Variants in GTF3C4 observed in about 807,000 individuals in gnomAD.
GTF3C4 encodes general transcription factor IIIC subunit 4.
GTF3C4 carries 28 observed loss-of-function variants against 67.5 expected under a neutral mutation model. The observed-to-expected ratio is 0.41, with a 90% CI of 0.31 to 0.57. The LOEUF (loss-of-function observed/expected upper bound fraction) is 0.57, where lower values mean the gene tolerates loss of function less well. GTF3C4 is among the 20% of genes least tolerant of loss of function. GTF3C4 has a pLI of 0.21. For synonymous variants in GTF3C4, 409 were observed against 393.0 expected, an observed-to-expected ratio of 1.04 and a Z score of -0.48; for missense variants, 831 against 1,033.2, an observed-to-expected ratio of 0.80 and a Z score of 2.68.
At chr9:132,677,567 G>A (rs116812856) in intron 1 of GTF3C4, among the ~76,000 whole-genome samples, 244 of 152,292 alleles carry the variant, frequency 1.6e-3, no homozygotes, top group African/African-American at 5.5e-3. Context: ...GGAATGTTCA[G>A]GAATGGCAAC....
upstream of GTF3C4, chr9:132,670,082 A>T: frequency 6.4e-7 from 1 of 1,560,934 alleles, no homozygotes; most frequent in Non-Finnish European, 8.7e-7. Context: ...TCCCGAGGGG[A>T]GCCGGGGACG....
In GTF3C4 at chr9:132,678,387, CTGTA is replaced by C; in HGVS notation, c.769_772del (p.Cys257ProfsTer38). On this transcript the variant is annotated frameshift_variant, in exon 2 of 5. Transcript: ENST00000372146. LOFTEE classifies it high-confidence loss of function. This position sits in a 1 kb window ranked among gnomAD's most constrained non-coding sequence, Gnocchi z 6.5. ...CAGTCAGAATGGAGTGGTCGGGCAT[CTGTA>C]CCACCCAGCAGGTCAAGCATAACAA... is the stretch of plus-strand genomic sequence containing the variant. The C allele has an allele frequency of 6.2e-7, 1 of 1,614,234 alleles. No individual in the cohort carries two copies. The highest frequency in any genetic ancestry group is 8.5e-7 in the Non-Finnish European group (1 of 1,180,042).
At chr9:132,684,979 C>A (rs1411362548) in intron 3 of GTF3C4, among the ~76,000 whole-genome samples, 1 of 151,456 alleles carries the variant, frequency 6.6e-6, no homozygotes, top group South Asian at 2.1e-4. Context: ...ATTTCTAGAA[C>A]AATGCCTAGT....
chr9:132,689,157 G>A lies in GTF3C4; in HGVS notation c.*212G>A, dbSNP rs1473069949. 1 of 555,580 alleles carries A rather than the reference G, an allele frequency of 1.8e-6. No homozygotes were observed. Among genetic ancestry groups the A allele is most frequent in the African/African-American group, 1.9e-5 (1 of 52,984 alleles). The allele number at this position is 555,580 out of a possible 1,614,324, so 34.4% of individuals were successfully genotyped here. On this transcript the variant is annotated 3_prime_UTR_variant, in exon 5 of 5. Coordinates refer to ENST00000372146, the MANE Select transcript of GTF3C4 (RefSeq NM_012204.4). ...ATGTCCTTTGAAATGGCTGGACTCA[G>A]AGAGTTGGAGTCGTTTTGAGATGAG... is the stretch of plus-strand genomic sequence containing the variant.
At position 132,677,646 on chromosome 9, in the gene GTF3C4, C is replaced by T. The variant is rs73545111; in HGVS notation, c.358-331C>T. Among the ~76,000 whole-genome samples, 818 of 152,254 alleles carry T rather than the reference C, an allele frequency of 5.4e-3. 9 individuals are homozygous for T. Among genetic ancestry groups the T allele is most frequent in the African/African-American group, 0.018 (763 of 41,538 alleles). ...AAACAAAGCAGTTGGAGTTGGCTCT[C>T]GCCATTATTTGTCAATGAAATTTCA... On this transcript the variant is annotated intron_variant, in intron 1 of 4. Transcript: ENST00000372146.
chr9:132,673,140 G>T, intron 1 of GTF3C4, among the ~76,000 whole-genome samples: 1 of 152,202 alleles, frequency 6.6e-6, no homozygotes, highest in Non-Finnish European at 1.5e-5. Context: ...CCAAGATTGC[G>T]CCACTGTACT....
chr9:132,678,675 C>G lies in GTF3C4; in HGVS notation c.1056C>G (p.Gly352=), dbSNP rs752351818. The G allele has an allele frequency of 3.1e-6, 5 of 1,613,942 alleles. No individual in the cohort carries two copies. In the Admixed American group the frequency reaches 8.3e-5, roughly 27 times the overall value. Residue 352 remains glycine, a synonymous_variant, in exon 2 of 5, where the codon GGC becomes GGG. Coordinates refer to ENST00000372146, the MANE Select transcript of GTF3C4 (RefSeq NM_012204.4). The surrounding 1 kb of genome is among the most constrained non-coding windows in gnomAD (Gnocchi z 6.5). ...CTGTCAATCTCAAAGCAGTCAAAGG[C>G]TATTTCACTTTAAGGCAGCCTGTTA... is the stretch of plus-strand genomic sequence containing the variant. ...ILPVNLKAVK[G]YFTLRQPVIL... is the part of the protein sequence containing the mutation.
At chr9:132,672,839 A>G (rs985232952) in intron 1 of GTF3C4, among the ~76,000 whole-genome samples, 2 of 152,236 alleles carry the variant, frequency 1.3e-5, no homozygotes, top group African/African-American at 4.8e-5. Context: ...GATTAAACAC[A>G]CATAATCACT....
Position 132,670,573 on chromosome 9 carries a change from C to T in GTF3C4, c.-26C>T. The T allele has an allele frequency of 7.2e-7, 1 of 1,388,766 alleles. No homozygotes were observed. Among genetic ancestry groups the T allele is most frequent in the South Asian group, 1.6e-5 (1 of 63,340 alleles). The allele number at this position is 1,388,766 out of a possible 1,614,324, so 86.0% of individuals were successfully genotyped here. On this transcript the variant is annotated 5_prime_UTR_variant, in exon 1 of 5. Transcript: ENST00000372146. The stretch of plus-strand genomic sequence containing the variant: ...CGCGCGACTGCGTGGAGCGCCAGGG[C>T]GTCCGACCTCTGCACCTGAGAGAAG...
Position 132,694,577 on chromosome 9 carries a change from T to C in GTF3C4, c.*5632T>C, listed in dbSNP as rs72773414. 1 of 152,326 alleles carries C rather than the reference T, an allele frequency of 6.6e-6. No individual in the cohort carries two copies. The highest frequency in any genetic ancestry group is 1.5e-5 in the Non-Finnish European group (1 of 68,030). The allele number at this position is 152,326 out of a possible 1,614,324, so 9.4% of individuals were successfully genotyped here. On this transcript the variant is annotated 3_prime_UTR_variant, in exon 5 of 5. Transcript: ENST00000372146. Reference sequence around the variant, plus strand: ...TAGGAAAATTTTGAAGTGGGGAAGATTATGGAGAAAATGAAATGGAAATTT... The same window carrying C: ...TAGGAAAATTTTGAAGTGGGGAAGACTATGGAGAAAATGAAATGGAAATTT...
rs377289230 is a variant in GTF3C4 at position 132,689,363 on chromosome 9, C to T, written c.*418C>T. ...AATCCTTGCTTTGGTTTGGAACTGCCTTCGGGCTCCAGAACTTAAATTGCT... is the reference window on the plus strand; with the variant it reads ...AATCCTTGCTTTGGTTTGGAACTGCTTTCGGGCTCCAGAACTTAAATTGCT... On this transcript the variant is annotated 3_prime_UTR_variant, in exon 5 of 5. Transcript: ENST00000372146. 44 of 168,288 alleles carry T rather than the reference C, an allele frequency of 2.6e-4. No homozygotes were observed. In the East Asian group the frequency reaches 4.2e-3, roughly 16 times the overall value. The allele number at this position is 168,288 out of a possible 1,614,324, so 10.4% of individuals were successfully genotyped here. A position where few individuals can be genotyped will look rare whatever the true frequency, so the allele number is the denominator to read the frequency against.
chr9:132,694,686 T>C lies in GTF3C4; in HGVS notation c.*5741T>C, dbSNP rs1836169604. ...TGTTAAAAGGGTAACAGAACCTCTG[T>C]TTCTTTACCAAGTCGCTGGTTGGCC... On this transcript the variant is annotated 3_prime_UTR_variant, in exon 5 of 5. Coordinates refer to ENST00000372146, the MANE Select transcript of GTF3C4 (RefSeq NM_012204.4). 6.6e-6 allele frequency: 1 copy of C among 152,180 alleles called. No individual in the cohort carries two copies. Among genetic ancestry groups the C allele is most frequent in the African/African-American group, 2.4e-5 (1 of 41,436 alleles). The allele number at this position is 152,180 out of a possible 1,614,324, so 9.4% of individuals were successfully genotyped here. A position where few individuals can be genotyped will look rare whatever the true frequency, so the allele number is the denominator to read the frequency against.
Position 132,687,322 on chromosome 9 carries a change from C to T in GTF3C4, c.2399C>T (p.Pro800Leu), listed in dbSNP as rs1416785968. 2 of 1,009,116 alleles carry T rather than the reference C, an allele frequency of 2.0e-6. No homozygotes were observed. Among genetic ancestry groups the T allele is most frequent in the Non-Finnish European group, 2.8e-6 (2 of 722,728 alleles). The allele number at this position is 1,009,116 out of a possible 1,614,324, so 62.5% of individuals were successfully genotyped here. Residue 800 changes from proline to leucine, a missense_variant, in exon 4 of 5, where the codon CCA becomes CTA. Around this residue, in one of 4 missense-constraint regions of GTF3C4, gnomAD observed 129 missense variants for 213.8 expected, o/e 0.60. Coordinates refer to ENST00000372146, the MANE Select transcript of GTF3C4 (RefSeq NM_012204.4). The stretch of plus-strand genomic sequence containing the variant: ...GACAGCATTGCCCGGCATCCAGCTC[C>T]AGAAGGTGAGTGCTTTCCCTTACTT... ...LHDSIARHPA[P>L]EDPDWIKRLL...
rs1170498396 is a variant in GTF3C4, at chr9:132,673,416, TG to T, written c.357+2462del. On this transcript the variant is annotated intron_variant, in intron 1 of 4. Coordinates refer to ENST00000372146, the MANE Select transcript of GTF3C4 (RefSeq NM_012204.4). ...GTAACATCTTCCCCTTCTGTACTGT[TG>T]TTTTTTTTTTAATATGCACATCACA... 6.2e-4 allele frequency among the ~76,000 whole-genome samples: 71 copies of T among 114,628 alleles called. No homozygotes were observed. The East Asian group carries it at 0.01, about 17-fold the overall frequency. The allele number at this position is 114,628 out of a possible 152,430, so 75.2% of individuals were successfully genotyped here.
At position 132,683,620 on chromosome 9, in the gene GTF3C4, A is replaced by G. The variant is rs1190789296; in HGVS notation, c.2242A>G (p.Ser748Gly). ...CAAACAGACTTTCCCTGAGCACTGT[A>G]GTTTGTGTAAAGAGATCTTGCCATT... ...MNKQTFPEHC[S>G]LCKEILPFTD... is the part of the protein sequence containing the mutation. Residue 748 changes from serine (S) to glycine (G), a missense_variant, in exon 3 of 5, where the codon AGT (serine) becomes GGT (glycine). This residue lies in a region of GTF3C4 where 129 missense variants were observed against 213.8 expected (regional missense o/e 0.60). Transcript: ENST00000372146. 8 of 1,613,470 alleles carry G rather than the reference A, an allele frequency of 5.0e-6. No individual in the cohort carries two copies. The highest frequency in any genetic ancestry group is 5.9e-6 in the Non-Finnish European group (7 of 1,179,630).
At chr9:132,671,991 A>G (rs1310907621) in intron 1 of GTF3C4, among the ~76,000 whole-genome samples, 1 of 152,222 alleles carries the variant, frequency 6.6e-6, no homozygotes, top group African/African-American at 2.4e-5. Context: ...GGTAGGGTGC[A>G]GATAACCCTC....
At chr9:132,672,090 ATCT>A (rs1392338155) in intron 1 of GTF3C4, among the ~76,000 whole-genome samples, 1 of 152,208 alleles carries the variant, frequency 6.6e-6, no homozygotes, top group East Asian at 1.9e-4. Flanking sequence ...TTCCTCTAAG[ATCT>A]TCTTGAAGAA....
Position 132,694,015 on chromosome 9 carries a change from AAACAG to A in GTF3C4, c.*5076_*5080del, listed in dbSNP as rs1249064968. The A allele has an allele frequency of 6.6e-6, 1 of 152,090 alleles. No individual in the cohort carries two copies. Among genetic ancestry groups the A allele is most frequent in the Non-Finnish European group, 1.5e-5 (1 of 68,004 alleles). The allele number at this position is 152,090 out of a possible 1,614,324, so 9.4% of individuals were successfully genotyped here. Reference sequence around the variant, plus strand: ...TTTACCTATGACTTTTTTTTGAAATAAACAGAACAGTCATCTAAAAACATAAGGTT... The same window carrying A: ...TTTACCTATGACTTTTTTTTGAAATAAACAGTCATCTAAAAACATAAGGTT... On this transcript the variant is annotated 3_prime_UTR_variant, in exon 5 of 5. Transcript: ENST00000372146.
At position 132,670,818 on chromosome 9, in the gene GTF3C4, G is replaced by C. The variant is rs773240454; in HGVS notation, c.220G>C (p.Glu74Gln). The C allele has an allele frequency of 6.2e-7, 1 of 1,606,674 alleles. No homozygotes were observed. Among genetic ancestry groups the C allele is most frequent in the Non-Finnish European group, 8.5e-7 (1 of 1,178,800 alleles). ...CGGCCTGGAACCGCTGGCTTGGTCC[G>C]AGGACCACCGCGTGTCTGTGTCCAC... is the stretch of plus-strand genomic sequence containing the variant. The part of the protein sequence containing the change: ...VSGLEPLAWS[E>Q]DHRVSVSTAR... Residue 74 changes from glutamate to glutamine, a missense_variant, in exon 1 of 5, where the codon GAG (glutamate) becomes CAG (glutamine). By Grantham distance (29) the Glu-to-Gln change is conservative. Transcript: ENST00000372146.
Sources: allele counts gnomAD v4.1 joint callset (sites outside exome capture counted in the v4.1 genomes callset), GRCh38; gene constraint gnomAD v4.1.1; regional missense constraint gnomAD v4.1.1; non-coding constraint Gnocchi (gnomAD v3.1); transcripts MANE v1.5; gene names NCBI Gene and HGNC (gene_info 2026-07-23, HGNC 2026-07-21).